The following MYT1L variants were observed in gnomAD, a reference collection of about 807,000 sequenced individuals.
The protein encoded by MYT1L is myelin transcription factor 1 like, also known as myelin transcription factor 1-like protein.
In MYT1L, 12 loss-of-function variants were observed where a neutral mutation model predicts 126.7. The observed-to-expected ratio is 0.09, with a 90% CI of 0.06 to 0.15. MYT1L has a LOEUF of 0.15. Ranked by LOEUF, MYT1L falls within the 10% of genes least tolerant of loss-of-function variation. The probability of loss-of-function intolerance (pLI) is 1.00; values close to 1 mark genes in which losing one functional copy is unlikely to be tolerated. For synonymous variants in MYT1L, 541 were observed against 604.2 expected, an observed-to-expected ratio of 0.90 and a Z score of 1.53; for missense variants, 979 against 1,585.2, an observed-to-expected ratio of 0.62 and a Z score of 6.49.
intron 1 of MYT1L, among the ~76,000 whole-genome samples, chr2:2,313,271 A>T (rs538940449): frequency 7.9e-5 from 12 of 152,292 alleles, no homozygotes; most frequent in African/African-American, 2.6e-4. Context: ...ATAAAAAAAA[A>T]AAATCTTGGA....
At chr2:1,810,904 C>A (rs975783026) in intron 21 of MYT1L, among the ~76,000 whole-genome samples, 1 of 152,054 alleles carries the variant, frequency 6.6e-6, no homozygotes, top group South Asian at 2.1e-4. Context: ...ATAATCATTG[C>A]TGTTGCCTGA....
At chr2:2,184,587 C>A (rs1003254104) in intron 2 of MYT1L, among the ~76,000 whole-genome samples, 1 of 152,140 alleles carries the variant, frequency 6.6e-6, no homozygotes, top group African/African-American at 2.4e-5. Context: ...ATCCTACACT[C>A]CAATTTGCCC....
At chr2:2,113,988 A>G (rs1374211481) in intron 3 of MYT1L, among the ~76,000 whole-genome samples, 1 of 151,840 alleles carries the variant, frequency 6.6e-6, no homozygotes. Flanking sequence ...CCTCCATTAC[A>G]CAGATAGGAA....
At position 2,130,812 on chromosome 2, in the gene MYT1L, C is replaced by A. The variant is rs1220059793; in HGVS notation, c.-304+42060G>T. On this transcript the variant is annotated intron_variant, in intron 3 of 24. Coordinates refer to ENST00000647738, the MANE Select transcript of MYT1L (RefSeq NM_001303052.2). ...TGAGGGGAATAATATTAGCTTTTTT[C>A]TTTGTGTGCTCTTGTTTGCTTAGTT... 2.0e-5 allele frequency among the ~76,000 whole-genome samples: 3 copies of A among 152,180 alleles called. No individual in the cohort carries two copies. In the South Asian group the frequency reaches 6.2e-4, roughly 32 times the overall value.
intron 18 of MYT1L, among the ~76,000 whole-genome samples, chr2:1,865,213 A>C (rs2045297103): frequency 6.6e-6 from 1 of 152,124 alleles, no homozygotes; most frequent in African/African-American, 2.4e-5. Context: ...GAAGGTGCAG[A>C]CAAAGGTGGG....
At position 1,838,414 on chromosome 2, in the gene MYT1L, G is replaced by C. The variant is rs111333678; in HGVS notation, c.3080+735C>G. Among the ~76,000 whole-genome samples the C allele has an allele frequency of 8.0e-3, 1,217 of 152,286 alleles. 16 individuals are homozygous for C. Among genetic ancestry groups the C allele is most frequent in the African/African-American group, 0.028 (1,162 of 41,560 alleles). On this transcript the variant is annotated intron_variant, in intron 21 of 24. Transcript: ENST00000647738. The stretch of plus-strand genomic sequence containing the variant: ...TTGAGGCGCAGGTGTGATTTTCGTA[G>C]AAAGTGGCATATAGGGCAGCAGAAA...
chr2:1,861,850 G>C (rs5004859), intron 18 of MYT1L, among the ~76,000 whole-genome samples: 3,047 of 137,276 alleles, frequency 0.022, no homozygotes, highest in East Asian at 0.037. Flanking sequence ...CCTGCAGCCT[G>C]TGTAATCCTA....
At chr2:2,101,406 A>C (rs1163147597) in intron 3 of MYT1L, among the ~76,000 whole-genome samples, 1 of 152,168 alleles carries the variant, frequency 6.6e-6, no homozygotes, top group Admixed American at 6.6e-5. Context: ...ATTTAATAAT[A>C]AAATAGCTGT....
chr2:2,166,329 A>C (rs1300397202), intron 3 of MYT1L, among the ~76,000 whole-genome samples: 1 of 152,124 alleles, frequency 6.6e-6, no homozygotes, highest in Non-Finnish European at 1.5e-5. Flanking sequence ...CTCCACCACC[A>C]TCACTGCCAT....
intron 3 of MYT1L, among the ~76,000 whole-genome samples, chr2:2,105,441 T>C (rs921474897): frequency 6.6e-6 from 1 of 152,274 alleles, no homozygotes; most frequent in Non-Finnish European, 1.5e-5. Flanking sequence ...TTTATTATTG[T>C]GAACTTTGTA....
intron 3 of MYT1L, among the ~76,000 whole-genome samples, chr2:2,120,125 G>A (rs537954619): frequency 1.3e-5 from 2 of 152,214 alleles, no homozygotes; most frequent in East Asian, 3.9e-4. Flanking sequence ...AGTCTAGATC[G>A]CCGGCATGCC....
chr2:2,156,810 G>A (rs1434077606), intron 3 of MYT1L, among the ~76,000 whole-genome samples: 1 of 152,216 alleles, frequency 6.6e-6, no homozygotes, highest in Non-Finnish European at 1.5e-5. Flanking sequence ...GTCATCTTGG[G>A]AACAGAGCAA....
chr2:2,252,262 C>T (rs1200364259), intron 2 of MYT1L, among the ~76,000 whole-genome samples: 1 of 152,316 alleles, frequency 6.6e-6, no homozygotes, highest in Admixed American at 6.5e-5. Flanking sequence ...CCCGACTACC[C>T]TTTTAACTTT....
At chr2:2,219,688 A>G (rs970622151) in intron 2 of MYT1L, among the ~76,000 whole-genome samples, 1 of 152,182 alleles carries the variant, frequency 6.6e-6, no homozygotes, top group Non-Finnish European at 1.5e-5. Context: ...TGCCTCTTTT[A>G]AAAAGTTCCA....
chr2:2,097,531 C>T (rs757213765), intron 3 of MYT1L, among the ~76,000 whole-genome samples: 2 of 152,182 alleles, frequency 1.3e-5, no homozygotes, highest in African/African-American at 2.4e-5. Flanking sequence ...TAACACAACA[C>T]ACGGTTATTG....
intron 2 of MYT1L, among the ~76,000 whole-genome samples, chr2:2,175,543 G>A (rs1405336422): frequency 6.6e-6 from 1 of 151,980 alleles, no homozygotes; most frequent in East Asian, 1.9e-4. Flanking sequence ...ACACTGAACA[G>A]CAAGAACCAG....
chr2:2,228,972 G>A lies in MYT1L; in HGVS notation c.-421+55432C>T, dbSNP rs898799285. ...AAGTGAAACACGGGGGTCTTCCAACGTATCCAGCTGAGCTCCTGGCTCCGA... is the reference window on the plus strand; with the variant it reads ...AAGTGAAACACGGGGGTCTTCCAACATATCCAGCTGAGCTCCTGGCTCCGA... On this transcript the variant is annotated intron_variant, in intron 2 of 24. Coordinates refer to ENST00000647738, the MANE Select transcript of MYT1L (RefSeq NM_001303052.2). The surrounding 1 kb of genome is among the most constrained non-coding windows in gnomAD (Gnocchi z 5.9). 6.6e-6 allele frequency among the ~76,000 whole-genome samples: 1 copy of A among 152,118 alleles called. No homozygotes were observed. Among genetic ancestry groups the A allele is most frequent in the Non-Finnish European group, 1.5e-5 (1 of 68,024 alleles).
chr2:1,904,199 A>G (rs1450811260), intron 13 of MYT1L, among the ~76,000 whole-genome samples: 1 of 152,102 alleles, frequency 6.6e-6, no homozygotes, highest in African/African-American at 2.4e-5. Context: ...CAGTTTCTCC[A>G]CAGATGTCCT....
chr2:2,113,181 A>C (rs2147775169), intron 3 of MYT1L, among the ~76,000 whole-genome samples: 1 of 152,292 alleles, frequency 6.6e-6, no homozygotes, highest in South Asian at 2.1e-4. Flanking sequence ...ATGGATGAAA[A>C]CCAACTATTG....
Sources: gnomAD v4.1 joint callset for allele counts (sites outside exome capture counted in the v4.1 genomes callset) on GRCh38, gnomAD v4.1.1 for gene constraint, Gnocchi (gnomAD v3.1) non-coding constraint, MANE v1.5 for transcripts, NCBI Gene and HGNC (gene_info 2026-07-23, HGNC 2026-07-21) for gene names.